The following AGK variants were observed in gnomAD, a reference collection of about 807,000 sequenced individuals.
AGK encodes acylglycerol kinase, mitochondrial.
In AGK, 52 loss-of-function variants were observed where a neutral mutation model predicts 66.4. The ratio of observed to expected loss-of-function variants is 0.78; its 90% CI spans 0.63 to 0.99. The LOEUF is 0.99. AGK is among the 50% of genes least tolerant of loss of function. The pLI is 0.00. For missense variants in AGK, 451 were observed against 506.6 expected (o/e 0.89, Z 1.05); for synonymous variants, 182 against 181.1 (o/e 1.00, Z -0.04).
intron 14 of AGK, among the ~76,000 whole-genome samples, chr7:141,649,952 T>C (rs1797515849): frequency 6.6e-6 from 1 of 152,252 alleles, no homozygotes; most frequent in African/African-American, 2.4e-5. Flanking sequence ...TTCTGTGATT[T>C]GTTAAGTCCT....
rs191201956 is a variant in AGK, at chr7:141,598,825, T to C, written c.221+2184T>C. 7.9e-5 allele frequency among the ~76,000 whole-genome samples: 12 copies of C among 152,322 alleles called. No individual in the cohort carries two copies. The highest frequency in any genetic ancestry group is 5.9e-4 in the Admixed American group (9 of 15,296). On this transcript the variant is annotated intron_variant, in intron 4 of 15. Coordinates refer to ENST00000649286, the MANE Select transcript of AGK (RefSeq NM_018238.4). The surrounding 1 kb of genome is among the most constrained non-coding windows in gnomAD (Gnocchi z 4.2). The stretch of plus-strand genomic sequence containing the variant: ...ACCTGCTAATTTCTGATGAAACTTA[T>C]GGCAATTTGTTTAAGCAATAACCAG...
chr7:141,581,424 C>G (rs1389803267), intron 2 of AGK, among the ~76,000 whole-genome samples: 2 of 151,890 alleles, frequency 1.3e-5, no homozygotes, highest in African/African-American at 4.9e-5. Context: ...AGGCACAGAT[C>G]CTGAACTAAC....
At chr7:141,621,274 G>T (rs1796818086) in intron 8 of AGK, among the ~76,000 whole-genome samples, 1 of 152,174 alleles carries the variant, frequency 6.6e-6, no homozygotes, top group Admixed American at 6.5e-5. Context: ...GAAAATAAGA[G>T]AAATATGTCT....
chr7:141,641,747 C>A, intron 12 of AGK, 64 bp from the exon 13 acceptor site: 3 of 1,346,442 alleles, frequency 2.2e-6, no homozygotes, highest in Non-Finnish European at 3.1e-6. Context: ...AGCAGCTAGC[C>A]GTCCGTGGTG....
At position 141,654,156 on chromosome 7, in the gene AGK, TAA is replaced by T. The variant is rs1266390412; in HGVS notation, c.*1233_*1234del. ...GAAATTTTTTTTTTAGCTCTTGCTT[TAA>T]GTGTTTGTTTGTTATCTCAGTCCAG... On this transcript the variant is annotated 3_prime_UTR_variant, in exon 16 of 16. Coordinates refer to ENST00000649286, the MANE Select transcript of AGK (RefSeq NM_018238.4). The T allele has an allele frequency of 1.3e-5, 2 of 152,208 alleles. No individual in the cohort carries two copies. Among genetic ancestry groups the T allele is most frequent in the Non-Finnish European group, 2.9e-5 (2 of 68,040 alleles). The allele number at this position is 152,208 out of a possible 1,614,324, so 9.4% of individuals were successfully genotyped here.
In AGK at chr7:141,599,865, C is replaced by T. The variant is rs561464573; in HGVS notation, c.222-1340C>T. Among the ~76,000 whole-genome samples, 3 of 152,320 alleles carry T rather than the reference C, an allele frequency of 2.0e-5. No individual in the cohort carries two copies. The South Asian group carries it at 6.2e-4, about 32-fold the overall frequency. On this transcript the variant is annotated intron_variant, in intron 4 of 15. Transcript: ENST00000649286. Reference sequence around the variant, plus strand: ...ATATTTAATTTGCTTATAATACACTCAGGCCCTTGGTTTGAGATATTCTTT... The same window carrying T: ...ATATTTAATTTGCTTATAATACACTTAGGCCCTTGGTTTGAGATATTCTTT...
At chr7:141,574,038 A>AGGG (rs1795676539) in intron 2 of AGK, among the ~76,000 whole-genome samples, 1 of 152,178 alleles carries the variant, frequency 6.6e-6, no homozygotes, top group Non-Finnish European at 1.5e-5. Flanking sequence ...CAAATACATA[A>AGGG]TGGCTGATGG....
At position 141,585,029 on chromosome 7, in the gene AGK, G is replaced by C. The variant is rs1203613000; in HGVS notation, c.102-8117G>C. Among the ~76,000 whole-genome samples, 5 of 152,320 alleles carry C rather than the reference G, an allele frequency of 3.3e-5. No homozygotes were observed. The East Asian group carries it at 9.6e-4, about 29-fold the overall frequency. ...GATGGTGTGGTTTGGAGAACAAGAA[G>C]AGATAACCTTGTTTGGTTAAATGGG... On this transcript the variant is annotated intron_variant, in intron 2 of 15. Coordinates refer to ENST00000649286, the MANE Select transcript of AGK (RefSeq NM_018238.4).
chr7:141,604,934 A>G (rs1181665563), intron 5 of AGK, among the ~76,000 whole-genome samples: 1 of 151,564 alleles, frequency 6.6e-6, no homozygotes. Flanking sequence ...TAGTTGTGAT[A>G]TTTGTTTAGG....
At chr7:141,573,886 T>C (rs1407422096) in intron 2 of AGK, among the ~76,000 whole-genome samples, 1 of 152,208 alleles carries the variant, frequency 6.6e-6, no homozygotes. Context: ...GCAGGTTAGT[T>C]ACATATGTAT....
intron 5 of AGK, 25 bp downstream of exon 5, chr7:141,601,305 T>A (rs1210734449): frequency 6.3e-7 from 1 of 1,581,700 alleles, no homozygotes; most frequent in Non-Finnish European, 8.6e-7. Flanking sequence ...TGAATGTTTA[T>A]TTCACCCAAG....
At chr7:141,625,861 T>C (rs1796928195) in intron 9 of AGK, among the ~76,000 whole-genome samples, 1 of 152,216 alleles carries the variant, frequency 6.6e-6, no homozygotes, top group African/African-American at 2.4e-5. Flanking sequence ...GTAGATTATC[T>C]GGCTTTTTCT....
intron 5 of AGK, among the ~76,000 whole-genome samples, chr7:141,610,989 T>C (rs143061553): frequency 4.7e-4 from 72 of 152,384 alleles, no homozygotes; most frequent in African/African-American, 1.7e-3. Context: ...CTAGATGGTT[T>C]CTGAGGTCCC....
At chr7:141,556,452 A>C (rs1299145637) in intron 2 of AGK, among the ~76,000 whole-genome samples, 1 of 151,614 alleles carries the variant, frequency 6.6e-6, no homozygotes, top group Non-Finnish European at 1.5e-5. Flanking sequence ...GAGGCAGGAG[A>C]ATCGCTTGAG....
chr7:141,644,995 C>A (rs895700949), intron 13 of AGK, among the ~76,000 whole-genome samples: 1 of 151,864 alleles, frequency 6.6e-6, no homozygotes, highest in Non-Finnish European at 1.5e-5. Context: ...ATAATAAGTT[C>A]TATGTTTTTC....
At chr7:141,611,137 C>A in intron 5 of AGK, 58 bp from the exon 6 acceptor site, 1 of 1,146,764 alleles carries the variant, frequency 8.7e-7, no homozygotes, top group Non-Finnish European at 1.3e-6. Context: ...CATTTTTAAA[C>A]CTTTAACCTT....
chr7:141,569,814 A>G (rs937921523), intron 2 of AGK, among the ~76,000 whole-genome samples: 2 of 152,134 alleles, frequency 1.3e-5, no homozygotes, highest in African/African-American at 4.8e-5. Flanking sequence ...CAAAATGGCC[A>G]CTGTGTCTTA....
chr7:141,630,095 TATCATC>T (rs555629834), intron 9 of AGK, among the ~76,000 whole-genome samples: 2 of 150,964 alleles, frequency 1.3e-5, no homozygotes, highest in African/African-American at 4.8e-5. Context: ...TGGAATCTTC[TATCATC>T]ATCATCAGCA....
chr7:141,647,398 T>C (rs1797442173), intron 13 of AGK, among the ~76,000 whole-genome samples: 1 of 152,206 alleles, frequency 6.6e-6, no homozygotes, highest in Non-Finnish European at 1.5e-5. Context: ...TTGTTGCCCC[T>C]GTCATTCGCT....
Sources: allele counts gnomAD v4.1 joint callset (sites outside exome capture counted in the v4.1 genomes callset), GRCh38; gene constraint gnomAD v4.1.1; non-coding constraint Gnocchi (gnomAD v3.1); transcripts MANE v1.5; gene names NCBI Gene and HGNC (gene_info 2026-07-23, HGNC 2026-07-21).